GPX8: variants seen among roughly 807,000 people sequenced by gnomAD.
The protein encoded by GPX8 is glutathione peroxidase 8 (putative).
In GPX8, 12 loss-of-function variants were observed where a neutral mutation model predicts 17.8. The ratio of observed to expected loss-of-function variants is 0.67; its 90% CI spans 0.43 to 1.09. The LOEUF is 1.09. Among genes scored for constraint, GPX8 ranks in the 50% least tolerant of loss-of-function variants. The pLI is 0.00. For missense variants in GPX8, 209 were observed against 235.6 expected, an observed-to-expected ratio of 0.89 and a Z score of 0.74; for synonymous variants, 86 against 88.1, an observed-to-expected ratio of 0.98 and a Z score of 0.14.
At chr5:55,163,812 T>C (rs1198591577) in intron 2 of GPX8, among the ~76,000 whole-genome samples, 1 of 149,978 alleles carries the variant, frequency 6.7e-6, no homozygotes, top group East Asian at 2.0e-4. Context: ...CAGCCTACTT[T>C]GCTTCATTTC....
intron 2 of GPX8, among the ~76,000 whole-genome samples, chr5:55,162,925 C>T (rs796467031): frequency 5.3e-5 from 8 of 152,222 alleles, no homozygotes; most frequent in African/African-American, 1.9e-4. Flanking sequence ...GTAAAAGGCC[C>T]GTATATCAAT....
chr5:55,162,277 TC>T (rs1235328023), intron 2 of GPX8, among the ~76,000 whole-genome samples: 1 of 152,042 alleles, frequency 6.6e-6, no homozygotes, highest in Non-Finnish European at 1.5e-5. Context: ...GCACCTGTAA[TC>T]CCAGCTATTC....
At position 55,164,767 on chromosome 5, in the gene GPX8, T is replaced by C; in HGVS notation, c.*549T>C. 1 of 152,244 alleles carries C rather than the reference T, an allele frequency of 6.6e-6. No homozygotes were observed. 9.4% of individuals were successfully genotyped at this position (152,244 alleles called of 1,614,324 possible). ...ACATAGATTCAAATCCTTATATATG[T>C]ATGCTTGTTTTGTGTACAGGATTTT... On this transcript the variant is annotated 3_prime_UTR_variant, in exon 3 of 3. Coordinates refer to ENST00000503787, the MANE Select transcript of GPX8 (RefSeq NM_001008397.4).
chr5:55,162,928 A>G (rs1192732441), intron 2 of GPX8, among the ~76,000 whole-genome samples: 3 of 152,192 alleles, frequency 2.0e-5, no homozygotes, highest in African/African-American at 7.2e-5. Context: ...AAAGGCCCGT[A>G]TATCAATCCT....
In GPX8 at chr5:55,164,073, C is replaced by G; in HGVS notation, c.485C>G (p.Pro162Arg). Residue 162 changes from proline to arginine, a missense_variant, in exon 3 of 3, where the codon CCA becomes CGA. By Grantham distance (103) the Pro-to-Arg change is moderately radical. Transcript: ENST00000503787. Reference sequence around the variant, plus strand: ...ATTTTAGATTCTTCAAAGAAGGAACCAAGGTGGAATTTTTGGAAGTATCTT... The same window carrying G: ...ATTTTAGATTCTTCAAAGAAGGAACGAAGGTGGAATTTTTGGAAGTATCTT... ...RFLVDSSKKE[P>R]RWNFWKYLVN... 3.1e-6 allele frequency: 5 copies of G among 1,587,506 alleles called. No individual in the cohort carries two copies. The highest frequency in any genetic ancestry group is 4.3e-6 in the Non-Finnish European group (5 of 1,165,798).
At chr5:55,160,440 T>C in intron 1 of GPX8, 44 bp downstream of exon 1, 1 of 1,487,612 alleles carries the variant, frequency 6.7e-7, no homozygotes, top group Non-Finnish European at 9.3e-7. Context: ...TTTTTCCTTG[T>C]CTCTGTTTAT....
At chr5:55,163,852 A>C (rs1452861724) in intron 2 of GPX8, among the ~76,000 whole-genome samples, 1 of 149,538 alleles carries the variant, frequency 6.7e-6, no homozygotes, top group Non-Finnish European at 1.5e-5. Context: ...CTAGATGAGT[A>C]GACTCATAGG....
At position 55,160,330 on chromosome 5, in the gene GPX8, C is replaced by T. The variant is rs928544551; in HGVS notation, c.138C>T (p.Ser46=). The part of the protein sequence containing the change: ...QLKFLKPKIN[S]FYAFEVKDAK... ...AATTCCTCAAACCTAAAATCAACAG[C>T]TTTTATGCCTTTGAAGTGAAGGATG... The change falls in exon 1 of 3, where the codon AGC becomes AGT. Residue 46 remains serine (S), a synonymous_variant. Coordinates refer to ENST00000503787, the MANE Select transcript of GPX8 (RefSeq NM_001008397.4). 15 of 1,613,688 alleles carry T rather than the reference C, an allele frequency of 9.3e-6. No individual in the cohort carries two copies. The highest frequency in any genetic ancestry group is 1.2e-5 in the Non-Finnish European group (14 of 1,179,858).
At chr5:55,160,830 C>T (rs1580367302) in intron 1 of GPX8, 164 bp from the exon 2 acceptor site, 1 of 664,364 alleles carries the variant, frequency 1.5e-6, no homozygotes, top group East Asian at 2.9e-5. Flanking sequence ...ACCCAGGCAT[C>T]TAGGTTACAG....
Position 55,161,256 on chromosome 5 carries a change from G to GT in GPX8, c.466+2dup. ...GAACCTGCATTTAGATTTCTTGTTG[G>GT]TAAATATCTGCCTTGCATATGCTGT... is the stretch of plus-strand genomic sequence containing the variant. On this transcript the variant is annotated splice_donor_variant, in intron 2 of 2. Transcript: ENST00000503787. LOFTEE classifies it high-confidence loss of function. 5 of 1,612,712 alleles carry GT rather than the reference G, an allele frequency of 3.1e-6. No individual in the cohort carries two copies. Among genetic ancestry groups the GT allele is most frequent in the Non-Finnish European group, 4.2e-6 (5 of 1,179,264 alleles).
In GPX8 at chr5:55,161,146, C is replaced by A. The variant is rs542981574; in HGVS notation, c.357C>A (p.Ser119Arg). ...NQFGESEPRP[S>R]KEVESFARKN... ...TTGGAGAATCGGAGCCCCGCCCAAG[C>A]AAGGAAGTAGAATCTTTTGCAAGAA... is the stretch of plus-strand genomic sequence containing the variant. Residue 119 changes from serine (S) to arginine (R), a missense_variant, in exon 2 of 3, where the codon AGC becomes AGA. Ser to Arg is a moderately radical substitution (Grantham distance 110). Transcript: ENST00000503787. 71 of 1,614,068 alleles carry A rather than the reference C, an allele frequency of 4.4e-5. No homozygotes were observed. The highest frequency in any genetic ancestry group is 6.0e-5 in the Non-Finnish European group (71 of 1,180,050).
rs1444759375 is a variant in GPX8 at position 55,165,184 on chromosome 5, G to C, written c.*966G>C. On this transcript the variant is annotated 3_prime_UTR_variant, in exon 3 of 3. Coordinates refer to ENST00000503787, the MANE Select transcript of GPX8 (RefSeq NM_001008397.4). ...TCAACTCCAAACAGCCTAAATTCTA[G>C]TATAAAAAGGGGGTGATCATACAAG... The C allele has an allele frequency of 6.6e-6, 1 of 152,148 alleles. No individual in the cohort carries two copies. Among genetic ancestry groups the C allele is most frequent in the Non-Finnish European group, 1.5e-5 (1 of 68,022 alleles). The allele number at this position is 152,148 out of a possible 1,614,324, so 9.4% of individuals were successfully genotyped here. A position where few individuals can be genotyped will look rare whatever the true frequency, so the allele number is the denominator to read the frequency against.
At chr5:55,162,350 G>A (rs534015391) in intron 2 of GPX8, among the ~76,000 whole-genome samples, 90 of 152,228 alleles carry the variant, frequency 5.9e-4, no homozygotes, top group African/African-American at 2.0e-3. Context: ...AGCTGAAATC[G>A]CGCTACTGCA....
At chr5:55,160,793 TAATGGCAG>T in intron 1 of GPX8, 193 bp from the exon 2 acceptor site, 1 of 531,680 alleles carries the variant, frequency 1.9e-6, no homozygotes. Context: ...AATGCTTTTT[TAATGGCAG>T]TACTATTTCA....
rs538330988 is a variant in GPX8 at position 55,166,275 on chromosome 5, G to A, written c.*2057G>A. The stretch of plus-strand genomic sequence containing the variant: ...CAACCAGGACTGTCCCAGTCAACAT[G>A]ATACAGATGAACATCCTGCCTTAAG... On this transcript the variant is annotated 3_prime_UTR_variant, in exon 3 of 3. Coordinates refer to ENST00000503787, the MANE Select transcript of GPX8 (RefSeq NM_001008397.4). The A allele has an allele frequency of 2.0e-5, 3 of 152,348 alleles. No homozygotes were observed. The East Asian group carries it at 5.8e-4, about 29-fold the overall frequency. 9.4% of individuals were successfully genotyped at this position (152,348 alleles called of 1,614,324 possible).
At chr5:55,162,945 A>G (rs1047603314) in intron 2 of GPX8, among the ~76,000 whole-genome samples, 2 of 152,168 alleles carry the variant, frequency 1.3e-5, no homozygotes, top group African/African-American at 4.8e-5. Flanking sequence ...TCCTGGCTCA[A>G]CCACTCATTA....
rs373102985 is a variant in GPX8, at chr5:55,160,302, T to C, written c.110T>C (p.Leu37Pro). The change falls in exon 1 of 3, where the codon CTA (leucine) becomes CCA (proline). Residue 37 changes from leucine to proline, a missense_variant. By Grantham distance (98) the Leu-to-Pro change is moderately conservative. Transcript: ENST00000503787. ...ACAGTAACGCTATTTCTTCTACAAC[T>C]AAAATTCCTCAAACCTAAAATCAAC... ...LCTVTLFLLQ[L>P]KFLKPKINSF... 6.2e-7 allele frequency: 1 copy of C among 1,613,734 alleles called. No individual in the cohort carries two copies. The highest frequency in any genetic ancestry group is 8.5e-7 in the Non-Finnish European group (1 of 1,179,750).
chr5:55,160,487 T>A (rs997516701), intron 1 of GPX8, 91 bp downstream of exon 1: 1 of 955,404 alleles, frequency 1.0e-6, no homozygotes, highest in African/African-American at 1.6e-5. Flanking sequence ...TGTTACATGG[T>A]CATAAGTTGG....
At chr5:55,162,120 G>A (rs1744104075) in intron 2 of GPX8, among the ~76,000 whole-genome samples, 1 of 150,186 alleles carries the variant, frequency 6.7e-6, no homozygotes, top group South Asian at 2.1e-4. Context: ...AAAAGGCCGG[G>A]CGCGGTGGCT....
Sources: allele counts gnomAD v4.1 joint callset (sites outside exome capture counted in the v4.1 genomes callset), GRCh38; gene constraint gnomAD v4.1.1; transcripts MANE v1.5; gene names NCBI Gene and HGNC (gene_info 2026-07-23, HGNC 2026-07-21).